The following PTCSC3 variants were observed in gnomAD, a reference collection of about 807,000 sequenced individuals.
PTCSC3 encodes the protein papillary thyroid carcinoma susceptibility candidate 3.
At chr14:36,140,031 T>C (rs1040010951) in intron 3 of PTCSC3, among the ~76,000 whole-genome samples, 4 of 152,350 alleles carry the variant, frequency 2.6e-5, no homozygotes, top group Non-Finnish European at 4.4e-5. Context: ...ATGGACCTTT[T>C]TATTCCCTCT....
intron 1 of PTCSC3, among the ~76,000 whole-genome samples, chr14:36,169,617 A>G (rs994397552): frequency 3.9e-5 from 6 of 152,172 alleles, no homozygotes; most frequent in Non-Finnish European, 7.4e-5. Context: ...ATGTGTTGCA[A>G]TTCATCTTTC....
intron 2 of PTCSC3, among the ~76,000 whole-genome samples, chr14:36,161,920 T>C (rs1438009058): frequency 1.3e-5 from 2 of 152,248 alleles, no homozygotes; most frequent in Admixed American, 1.3e-4. Flanking sequence ...AGAGGAGAAA[T>C]CTGGAGACGC....
chr14:36,175,017 C>T (rs1407914863), intron 1 of PTCSC3, among the ~76,000 whole-genome samples: 1 of 152,190 alleles, frequency 6.6e-6, no homozygotes, highest in Non-Finnish European at 1.5e-5. Flanking sequence ...TCGCCTCACA[C>T]TGCACATGTA....
At chr14:36,165,722 CTTTT>C (rs71448056) in intron 1 of PTCSC3, among the ~76,000 whole-genome samples, 2 of 124,798 alleles carry the variant, frequency 1.6e-5, no homozygotes, top group Non-Finnish European at 1.7e-5. Context: ...TTTATTTTTC[CTTTT>C]TTTTTTTTTT....
intron 1 of PTCSC3, among the ~76,000 whole-genome samples, chr14:36,168,148 G>A (rs1009700933): frequency 1.3e-5 from 2 of 151,748 alleles, no homozygotes; most frequent in South Asian, 4.2e-4. Flanking sequence ...TTTCTATCTT[G>A]ATATTTTCTC....
intron 1 of PTCSC3, among the ~76,000 whole-genome samples, chr14:36,164,728 A>G (rs1431252370): frequency 6.6e-6 from 1 of 152,152 alleles, no homozygotes; most frequent in African/African-American, 2.4e-5. Context: ...ATCCCTTTAC[A>G]TTGTAGTTCT....
chr14:36,173,213 T>C (rs1254764343), intron 1 of PTCSC3, among the ~76,000 whole-genome samples: 1 of 152,302 alleles, frequency 6.6e-6, no homozygotes, highest in South Asian at 2.1e-4. Flanking sequence ...CCTACATTTC[T>C]TTTTTATGAG....
intron 1 of PTCSC3, among the ~76,000 whole-genome samples, chr14:36,167,002 G>A (rs1252254437): frequency 6.6e-6 from 1 of 152,166 alleles, no homozygotes; most frequent in East Asian, 1.9e-4. Flanking sequence ...GAATTCTAAG[G>A]TGGATGATAG....
At chr14:36,156,395 G>C (rs1446382135) in intron 2 of PTCSC3, among the ~76,000 whole-genome samples, 1 of 152,140 alleles carries the variant, frequency 6.6e-6, no homozygotes, top group African/African-American at 2.4e-5. Flanking sequence ...TCACCAAAAA[G>C]AATAAAATCT....
At chr14:36,135,111 A>G (rs926070845), downstream of PTCSC3, among the ~76,000 whole-genome samples, 1 of 152,234 alleles carries the variant, frequency 6.6e-6, no homozygotes, top group Admixed American at 6.5e-5. Context: ...GAACAACTTG[A>G]GTAGTACTTT....
chr14:36,167,998 C>T (rs1882123109), intron 1 of PTCSC3, among the ~76,000 whole-genome samples: 1 of 152,070 alleles, frequency 6.6e-6, no homozygotes, highest in Non-Finnish European at 1.5e-5. Context: ...CCTCCCTCCC[C>T]TGCTGTTGGC....
At chr14:36,137,295 G>T (rs910770913) in intron 3 of PTCSC3, among the ~76,000 whole-genome samples, 1 of 152,156 alleles carries the variant, frequency 6.6e-6, no homozygotes, top group Non-Finnish European at 1.5e-5. Flanking sequence ...AACACAGAAT[G>T]CAAGGGAAGA....
chr14:36,167,302 G>GT (rs979162749), intron 1 of PTCSC3, among the ~76,000 whole-genome samples: 24 of 151,880 alleles, frequency 1.6e-4, no homozygotes, highest in Middle Eastern at 3.4e-3. Context: ...CCTCTGTTAG[G>GT]TTTTTTTTCC....
chr14:36,168,804 G>A (rs535285365), intron 1 of PTCSC3, among the ~76,000 whole-genome samples: 1 of 152,018 alleles, frequency 6.6e-6, no homozygotes, highest in East Asian at 1.9e-4. Context: ...TTTTTGTTTA[G>A]AGATGGTGAT....
intron 3 of PTCSC3, chr14:36,153,726 A>G (rs1481131610): frequency 6.6e-6 from 1 of 152,214 alleles, no homozygotes; most frequent in Non-Finnish European, 1.5e-5. Context: ...AAGAGTGGAA[A>G]TGGATAAATA....
intron 3 of PTCSC3, among the ~76,000 whole-genome samples, chr14:36,144,021 T>A (rs897816188): frequency 6.6e-5 from 10 of 152,288 alleles, no homozygotes; most frequent in African/African-American, 2.4e-4. Context: ...GATCTATATA[T>A]CTGTTTTGGT....
intron 3 of PTCSC3, among the ~76,000 whole-genome samples, chr14:36,141,483 G>C (rs1274484270): frequency 6.6e-6 from 1 of 151,802 alleles, no homozygotes; most frequent in East Asian, 1.9e-4. Flanking sequence ...ATCCCAGGTA[G>C]CTGGGATTAC....
chr14:36,150,942 A>T (rs559482755), intron 3 of PTCSC3, among the ~76,000 whole-genome samples: 2,006 of 29,482 alleles, frequency 0.068, 14 homozygotes, highest in Non-Finnish European at 0.14. Context: ...GTATTTTTTT[A>T]AAAAAACCTT....
intron 3 of PTCSC3, among the ~76,000 whole-genome samples, chr14:36,147,646 C>G (rs908641716): frequency 6.6e-6 from 1 of 151,984 alleles, no homozygotes; most frequent in South Asian, 2.1e-4. Flanking sequence ...TCGTCTGAAG[C>G]CTTCTTCTCT....
Sources: gnomAD v4.1 joint callset for allele counts (sites outside exome capture counted in the v4.1 genomes callset) on GRCh38, gnomAD v4.1.1 for gene constraint, MANE v1.5 for transcripts, NCBI Gene and HGNC (gene_info 2026-07-23, HGNC 2026-07-21) for gene names.